Variants in CEP152 observed in about 807,000 individuals in gnomAD.
CEP152 encodes centrosomal protein of 152 kDa.
A neutral mutation model predicts 188.9 loss-of-function variants in CEP152; 132 were observed. That is an observed-to-expected ratio of 0.70 (90% CI 0.61 to 0.81). CEP152 has a LOEUF of 0.81. Ranked by LOEUF, CEP152 falls within the 30% of genes least tolerant of loss-of-function variation. CEP152 has a pLI of 0.00. For synonymous variants in CEP152, 649 were observed against 666.6 expected (o/e 0.97, Z 0.41); for missense variants, 1,914 against 1,969.8 (o/e 0.97, Z 0.54).
chr15:48,742,583 G>A (rs769211969), intron 24 of CEP152, among the ~76,000 whole-genome samples: 5 of 152,078 alleles, frequency 3.3e-5, no homozygotes, highest in Admixed American at 1.3e-4. Context: ...GAAAATTTAC[G>A]TTCCATTATT....
Position 48,756,289 on chromosome 15 carries a change from G to T in CEP152, c.2959C>A (p.Arg987=). The part of the protein sequence containing the change: ...QDYRQFLDDH[R]NKINEVLAAA... ...GCAAGCACCTCATTAATTTTATTTC[G>T]GTGATCATCTAAAAATTGCCGGTAA... The change falls in exon 20 of 27, where the codon CGA becomes AGA. Residue 987 remains arginine, a synonymous_variant. Coordinates refer to ENST00000380950, the MANE Select transcript of CEP152 (RefSeq NM_001194998.2). 6.3e-7 allele frequency: 1 copy of T among 1,576,722 alleles called. No homozygotes were observed. The highest frequency in any genetic ancestry group is 8.6e-7 in the Non-Finnish European group (1 of 1,164,480).
chr15:48,770,955 G>C (rs1256185473), intron 13 of CEP152, among the ~76,000 whole-genome samples: 1 of 125,064 alleles, frequency 8.0e-6, no homozygotes, highest in East Asian at 3.4e-4. Context: ...ACAACTCCTA[G>C]TTTAAATAGG....
intron 6 of CEP152, among the ~76,000 whole-genome samples, chr15:48,795,806 A>G (rs1897251803): frequency 6.6e-6 from 1 of 152,188 alleles, no homozygotes; most frequent in Admixed American, 6.5e-5. Context: ...CTATTATTTT[A>G]AAGTAAATCC....
intron 17 of CEP152, among the ~76,000 whole-genome samples, chr15:48,763,450 G>A (rs1336652037): frequency 4.6e-5 from 7 of 152,112 alleles, no homozygotes. Context: ...GAGGCAGGCG[G>A]ATCACCTGAG....
intron 14 of CEP152, 137 bp downstream of exon 14, chr15:48,768,819 T>C (rs1296293767): frequency 3.1e-6 from 2 of 645,650 alleles, no homozygotes; most frequent in African/African-American, 3.7e-5. Flanking sequence ...GGGAAGTAAC[T>C]GGAACTCATA....
At chr15:48,806,745 A>G (rs569589958) in intron 1 of CEP152, among the ~76,000 whole-genome samples, 81 of 152,376 alleles carry the variant, frequency 5.3e-4, no homozygotes, top group South Asian at 4.1e-3. Context: ...ATAGCTCTAG[A>G]GCAGACAATA....
At chr15:48,767,221 G>C (rs781491737) in intron 16 of CEP152, 29 bp from the exon 17 acceptor site, 13 of 1,613,652 alleles carry the variant, frequency 8.1e-6, no homozygotes, top group Non-Finnish European at 1.1e-5. Context: ...GCAACTAAAT[G>C]ATTTAACCAC....
intron 24 of CEP152, among the ~76,000 whole-genome samples, chr15:48,743,430 A>T (rs1893157539): frequency 6.6e-6 from 1 of 152,234 alleles, no homozygotes; most frequent in Non-Finnish European, 1.5e-5. Context: ...GGGAAAACAC[A>T]CATCAGGAGA....
At chr15:48,734,105 A>G (rs1184176659), downstream of CEP152, among the ~76,000 whole-genome samples, 1 of 152,060 alleles carries the variant, frequency 6.6e-6, no homozygotes, top group Non-Finnish European at 1.5e-5. Flanking sequence ...CAGTAAATAT[A>G]AAGAACTATA....
chr15:48,763,214 C>T lies in CEP152; in HGVS notation c.2281-542G>A, dbSNP rs76983523. Among the ~76,000 whole-genome samples the T allele has an allele frequency of 3.5e-3, 538 of 152,326 alleles. 3 individuals carry two copies. Among genetic ancestry groups the T allele is most frequent in the African/African-American group, 0.013 (521 of 41,564 alleles). ...GAAGAACATCTTAATGATTTTTCCA[C>T]TTTAACAGTACAGTGAGGTGGAGCT... On this transcript the variant is annotated intron_variant, in intron 17 of 26. Transcript: ENST00000380950.
At position 48,738,127 on chromosome 15, in the gene CEP152, T is replaced by C; in HGVS notation, c.*122A>G. On this transcript the variant is annotated 3_prime_UTR_variant, in exon 27 of 27. Transcript: ENST00000380950. ...AGCAATTTTAGAAGAATGCTTTACT[T>C]ATATAACAGATGTTATTAAAACATC... 1 of 1,026,418 alleles carries C rather than the reference T, an allele frequency of 9.7e-7. No individual in the cohort carries two copies. The highest frequency in any genetic ancestry group is 1.4e-6 in the Non-Finnish European group (1 of 724,272). 63.6% of individuals were successfully genotyped at this position (1,026,418 alleles called of 1,614,324 possible).
Position 48,738,883 on chromosome 15 carries a change from C to T in CEP152, c.4499G>A (p.Gly1500Glu). ...AGGTGAGGGTTTATTTCCTAAGGTT[C>T]CAAGAAAGGGGTATGCAGCTGAATG... ...LPHSAAYPFL[G>E]TLGNKPSPRC... The change falls in exon 27 of 27, where the codon GGA (glycine) becomes GAA (glutamate). Residue 1500 changes from glycine (G) to glutamate (E), a missense_variant. Transcript: ENST00000380950. 6.2e-7 allele frequency: 1 copy of T among 1,614,146 alleles called. No homozygotes were observed. The highest frequency in any genetic ancestry group is 8.5e-7 in the Non-Finnish European group (1 of 1,180,018).
At chr15:48,746,753 A>T (rs1362211717) in intron 22 of CEP152, among the ~76,000 whole-genome samples, 2 of 152,186 alleles carry the variant, frequency 1.3e-5, no homozygotes. Flanking sequence ...TCCAAAGGGA[A>T]GTACAGACAG....
At chr15:48,778,963 A>G (rs1330783316) in intron 12 of CEP152, among the ~76,000 whole-genome samples, 1 of 152,048 alleles carries the variant, frequency 6.6e-6, no homozygotes, top group Non-Finnish European at 1.5e-5. Context: ...AAAAAAAAAA[A>G]AGATGAATAC....
chr15:48,806,735 A>G (rs540817255), intron 1 of CEP152, among the ~76,000 whole-genome samples: 2 of 152,346 alleles, frequency 1.3e-5, no homozygotes, highest in African/African-American at 4.8e-5. Flanking sequence ...GTGGAAGCCA[A>G]TAGCTCTAGA....
chr15:48,774,645 C>T (rs1162612245), intron 12 of CEP152, among the ~76,000 whole-genome samples: 7 of 152,234 alleles, frequency 4.6e-5, no homozygotes, highest in South Asian at 2.1e-4. Flanking sequence ...TGACTAAACC[C>T]GAAGGGATGC....
In CEP152 at chr15:48,752,476, T is replaced by C; in HGVS notation, c.3346-7A>G. On this transcript the variant is annotated splice_polypyrimidine_tract_variant and splice_region_variant and intron_variant, in intron 20 of 26. Transcript: ENST00000380950. ...AGAGCTCGGCCATATTTCTCTGAAA[T>C]AAAGTATCTTCAAAGTTAATGCTTA... 1 of 1,613,056 alleles carries C rather than the reference T, an allele frequency of 6.2e-7. No individual in the cohort carries two copies. Among genetic ancestry groups the C allele is most frequent in the Non-Finnish European group, 8.5e-7 (1 of 1,179,980 alleles).
chr15:48,793,567 A>G, intron 6 of CEP152, 106 bp from the exon 7 acceptor site: 1 of 944,798 alleles, frequency 1.1e-6, no homozygotes, highest in Non-Finnish European at 1.6e-6. Flanking sequence ...TTAGAGCATC[A>G]TGAAATCAAT....
chr15:48,778,807 G>C (rs1373432199), intron 12 of CEP152, among the ~76,000 whole-genome samples: 2 of 151,910 alleles, frequency 1.3e-5, no homozygotes, highest in Non-Finnish European at 2.9e-5. Flanking sequence ...AAATTAGCTG[G>C]GCATGGTGGC....
Sources: allele counts gnomAD v4.1 joint callset (sites outside exome capture counted in the v4.1 genomes callset), GRCh38; gene constraint gnomAD v4.1.1; transcripts MANE v1.5; gene names NCBI Gene and HGNC (gene_info 2026-07-23, HGNC 2026-07-21).